Variants in MAGI1 observed in about 807,000 individuals in gnomAD.
The protein encoded by MAGI1 is membrane associated guanylate kinase, WW and PDZ domain containing 1.
In MAGI1, 58 loss-of-function variants were observed where a neutral mutation model predicts 139.9. The observed-to-expected ratio is 0.41, with a 90% CI of 0.34 to 0.52. MAGI1 has a LOEUF of 0.52. Among genes scored for constraint, MAGI1 ranks in the 20% least tolerant of loss-of-function variants. MAGI1 has a pLI of 0.12. For synonymous variants in MAGI1, 812 were observed against 737.9 expected (o/e 1.10, Z -1.63); for missense variants, 1,874 against 1,901.6 (o/e 0.99, Z 0.27).
At chr3:65,582,495 T>A (rs2081483139) in intron 2 of MAGI1, among the ~76,000 whole-genome samples, 2 of 152,218 alleles carry the variant, frequency 1.3e-5, no homozygotes, top group African/African-American at 4.8e-5. Flanking sequence ...ATAAGCGCTT[T>A]ACTTCAGGTG....
intron 1 of MAGI1, among the ~76,000 whole-genome samples, chr3:65,662,390 C>T (rs769263059): frequency 3.3e-5 from 5 of 152,202 alleles, no homozygotes; most frequent in Non-Finnish European, 7.3e-5. Context: ...GCAGACCATA[C>T]GGTCTCTGTA....
intron 2 of MAGI1, among the ~76,000 whole-genome samples, chr3:65,555,140 C>A (rs1227128767): frequency 2.6e-5 from 4 of 152,086 alleles, no homozygotes; most frequent in African/African-American, 9.7e-5. Context: ...TAAATTATTT[C>A]GAAATTAAAA....
chr3:65,505,030 G>A (rs1423259800), intron 2 of MAGI1, among the ~76,000 whole-genome samples: 2 of 152,146 alleles, frequency 1.3e-5, no homozygotes, highest in Admixed American at 6.5e-5. Context: ...ATCAACTTTT[G>A]AGGATTATCC....
At chr3:65,658,748 TC>T (rs2086026195) in intron 1 of MAGI1, among the ~76,000 whole-genome samples, 1 of 152,162 alleles carries the variant, frequency 6.6e-6, no homozygotes, top group Non-Finnish European at 1.5e-5. Context: ...GTTCATCCGT[TC>T]ACAAGCCATC....
intron 2 of MAGI1, among the ~76,000 whole-genome samples, chr3:65,522,050 G>A (rs1209711946): frequency 5.3e-5 from 8 of 151,926 alleles, no homozygotes; most frequent in Admixed American, 1.3e-4. Context: ...AAATCCAAAC[G>A]GAATTTCATA....
chr3:65,431,270 T>A (rs1040410919), intron 10 of MAGI1, among the ~76,000 whole-genome samples: 1 of 152,210 alleles, frequency 6.6e-6, no homozygotes, highest in Non-Finnish European at 1.5e-5. Context: ...TATTTTGCTA[T>A]ATGGCTTCTG....
At chr3:65,394,480 T>C (rs1189459001) in intron 13 of MAGI1, among the ~76,000 whole-genome samples, 1 of 152,216 alleles carries the variant, frequency 6.6e-6, no homozygotes, top group Non-Finnish European at 1.5e-5. Flanking sequence ...CATATATAAA[T>C]GGCACACCAG....
At chr3:66,001,893 A>T (rs1361718572) in intron 1 of MAGI1, among the ~76,000 whole-genome samples, 2 of 152,194 alleles carry the variant, frequency 1.3e-5, no homozygotes, top group Non-Finnish European at 2.9e-5. Flanking sequence ...CATATATTAA[A>T]CAAAAGTGAT....
At chr3:65,923,997 C>T (rs572962071) in intron 1 of MAGI1, among the ~76,000 whole-genome samples, 1 of 152,262 alleles carries the variant, frequency 6.6e-6, no homozygotes, top group African/African-American at 2.4e-5. Context: ...TTAGACTCAG[C>T]TGTCCACAGA....
At chr3:65,546,498 C>T (rs1576276263) in intron 2 of MAGI1, among the ~76,000 whole-genome samples, 1 of 152,140 alleles carries the variant, frequency 6.6e-6, no homozygotes, top group Admixed American at 6.6e-5. Context: ...AAACCCTGAA[C>T]AATTGTTTAA....
intron 2 of MAGI1, among the ~76,000 whole-genome samples, chr3:65,493,946 A>G (rs751651522): frequency 6.6e-6 from 1 of 152,246 alleles, no homozygotes; most frequent in Non-Finnish European, 1.5e-5. Context: ...GATTTTATAC[A>G]GACAACATTC....
chr3:65,499,696 T>G (rs1576037468), intron 2 of MAGI1, among the ~76,000 whole-genome samples: 2 of 152,154 alleles, frequency 1.3e-5, no homozygotes, highest in Admixed American at 6.5e-5. Context: ...TGAAGTGATA[T>G]AAACAAATTA....
At chr3:65,583,401 C>T (rs1375204982) in intron 2 of MAGI1, among the ~76,000 whole-genome samples, 3 of 152,134 alleles carry the variant, frequency 2.0e-5, no homozygotes, top group Non-Finnish European at 4.4e-5. Flanking sequence ...GGGCTGCTAA[C>T]CAGGATAGAG....
At chr3:65,421,320 G>A (rs559097730) in intron 12 of MAGI1, among the ~76,000 whole-genome samples, 1 of 152,288 alleles carries the variant, frequency 6.6e-6, no homozygotes, top group Non-Finnish European at 1.5e-5. Flanking sequence ...GGAAGTGCTA[G>A]AAAATTTGCT....
At chr3:65,457,131 G>C (rs1378332589) in intron 5 of MAGI1, among the ~76,000 whole-genome samples, 2 of 151,932 alleles carry the variant, frequency 1.3e-5, no homozygotes, top group African/African-American at 4.8e-5. Context: ...TATCCATTTG[G>C]GGAGCACTGA....
rs567050390 is a variant in MAGI1, at chr3:65,683,892, A to G, written c.314-61804T>C. ...CCACTCTGGCAAGTACTTTTATAAG[A>G]AAACTCACACTCATGTAACTGCAGC... On this transcript the variant is annotated intron_variant, in intron 1 of 22. Coordinates refer to ENST00000402939, the MANE Select transcript of MAGI1 (RefSeq NM_001033057.2). Among the ~76,000 whole-genome samples the G allele has an allele frequency of 1.8e-3, 278 of 151,908 alleles. 1 individual carries two copies. Among genetic ancestry groups the G allele is most frequent in the African/African-American group, 6.4e-3 (264 of 41,458 alleles).
At chr3:65,838,583 G>A (rs182790433) in intron 1 of MAGI1, among the ~76,000 whole-genome samples, 4 of 152,170 alleles carry the variant, frequency 2.6e-5, no homozygotes, top group Non-Finnish European at 4.4e-5. Flanking sequence ...CCTCTTTATT[G>A]TTGAACAGTA....
In MAGI1 at chr3:65,735,862, C is replaced by T. The variant is rs139609030; in HGVS notation, c.314-113774G>A. The stretch of plus-strand genomic sequence containing the variant: ...GCTTAGAATGTGCCAGGTTATCAAG[C>T]ACTTTACAGGCACCATGTCAATAAC... On this transcript the variant is annotated intron_variant, in intron 1 of 22. Transcript: ENST00000402939. Among the ~76,000 whole-genome samples the T allele has an allele frequency of 2.5e-3, 386 of 152,280 alleles. 3 individuals carry two copies. The highest frequency in any genetic ancestry group is 9.1e-4 in the Non-Finnish European group (62 of 68,024).
At chr3:65,823,191 A>G (rs907663619) in intron 1 of MAGI1, among the ~76,000 whole-genome samples, 3 of 152,232 alleles carry the variant, frequency 2.0e-5, no homozygotes, top group Non-Finnish European at 2.9e-5. Flanking sequence ...ACATCTAAAA[A>G]TTATTTCATA....
Sources: allele counts gnomAD v4.1 joint callset (sites outside exome capture counted in the v4.1 genomes callset), GRCh38; gene constraint gnomAD v4.1.1; transcripts MANE v1.5; gene names NCBI Gene and HGNC (gene_info 2026-07-23, HGNC 2026-07-21).